Variants in SMU1 observed in about 807,000 individuals in gnomAD.
The protein encoded by SMU1 is WD40 repeat-containing protein SMU1.
Under a neutral mutation model 62.0 loss-of-function variants are expected in SMU1, and 2 were observed. That is an observed-to-expected ratio of 0.03 (90% CI 0.01 to 0.10). The LOEUF (loss-of-function observed/expected upper bound fraction) is 0.10, where lower values mean the gene tolerates loss of function less well. Ranked by LOEUF, SMU1 falls within the 10% of genes least tolerant of loss-of-function variation. The probability of loss-of-function intolerance (pLI) is 1.00; values close to 1 mark genes in which losing one functional copy is unlikely to be tolerated. For synonymous variants in SMU1, 188 were observed against 212.4 expected (o/e 0.89, Z 1.00); for missense variants, 227 against 622.1 (o/e 0.36, Z 6.76).
chr9:33,069,207 C>A (rs62542143), intron 3 of SMU1, among the ~76,000 whole-genome samples: 5,910 of 152,268 alleles, frequency 0.039, 184 homozygotes, highest in East Asian at 0.058. Context: ...AAAGGACACA[C>A]TGCTATTTTT....
intron 4 of SMU1, among the ~76,000 whole-genome samples, chr9:33,066,503 A>AC (rs1239705448): frequency 1.1e-3 from 78 of 73,638 alleles, no homozygotes; most frequent in African/African-American, 4.4e-3. Context: ...GTTCCATTTA[A>AC]TTAAAAAAAA....
chr9:33,056,764 A>G, intron 8 of SMU1, 73 bp downstream of exon 8: 1 of 1,493,354 alleles, frequency 6.7e-7, no homozygotes, highest in East Asian at 2.3e-5. Context: ...AAGCGTAAGG[A>G]ATCACTAGTA....
At chr9:33,065,153 G>A (rs935060686) in intron 4 of SMU1, among the ~76,000 whole-genome samples, 1 of 152,098 alleles carries the variant, frequency 6.6e-6, no homozygotes, top group African/African-American at 2.4e-5. Context: ...CTAGGTTAAG[G>A]TCCAGATTCA....
At chr9:33,076,216 G>C (rs1415731965) in intron 1 of SMU1, among the ~76,000 whole-genome samples, 1 of 152,208 alleles carries the variant, frequency 6.6e-6, no homozygotes, top group East Asian at 1.9e-4. Context: ...AAGCTGGACA[G>C]GGAGAGAAGC....
chr9:33,053,076 G>A, intron 10 of SMU1, 47 bp downstream of exon 10: 1 of 1,572,240 alleles, frequency 6.4e-7, no homozygotes, highest in African/African-American at 1.4e-5. Context: ...GTGCTGATTT[G>A]GGAATGGCCC....
rs1283655042 is a variant in SMU1, at chr9:33,045,977, G to T, written c.*1316C>A. Reference sequence around the variant, plus strand: ...GGGCACAAAAGGCCTGCAGAAATAAGAACTCACGTTCTTGAAAGTACTGCC... The same window carrying T: ...GGGCACAAAAGGCCTGCAGAAATAATAACTCACGTTCTTGAAAGTACTGCC... On this transcript the variant is annotated 3_prime_UTR_variant, in exon 12 of 12. Transcript: ENST00000397149. 6.6e-6 allele frequency: 1 copy of T among 152,202 alleles called. No homozygotes were observed. The highest frequency in any genetic ancestry group is 1.5e-5 in the Non-Finnish European group (1 of 68,038). The allele number at this position is 152,202 out of a possible 1,614,324, so 9.4% of individuals were successfully genotyped here.
At chr9:33,067,297 CAAAAAAAAAAAAAAA>C (rs58105257) in intron 4 of SMU1, among the ~76,000 whole-genome samples, 4 of 52,742 alleles carry the variant, frequency 7.6e-5, no homozygotes, top group African/African-American at 2.0e-4. Context: ...TGCTAATGAC[CAAAAAAAAAAAAAAA>C]AAAAAAAAAA....
chr9:33,053,066 G>T, intron 10 of SMU1, 57 bp downstream of exon 10: 1 of 1,533,562 alleles, frequency 6.5e-7, no homozygotes, highest in Non-Finnish European at 9.0e-7. Context: ...GGACCAGGAA[G>T]TGCTGATTTG....
Position 33,043,482 on chromosome 9 carries a change from G to T in SMU1, c.*3811C>A, listed in dbSNP as rs887142912. ...TCTGTAGGTCTGGGATAGGACCTTA[G>T]AATGTGTCTATCACGTGACACTTGT... On this transcript the variant is annotated 3_prime_UTR_variant, in exon 12 of 12. Transcript: ENST00000397149. 6.6e-6 allele frequency: 1 copy of T among 152,230 alleles called. No individual in the cohort carries two copies. The highest frequency in any genetic ancestry group is 2.4e-5 in the African/African-American group (1 of 41,452). The allele number at this position is 152,230 out of a possible 1,614,324, so 9.4% of individuals were successfully genotyped here. A position where few individuals can be genotyped will look rare whatever the true frequency, so the allele number is the denominator to read the frequency against.
chr9:33,072,690 G>A (rs976218198), intron 2 of SMU1, among the ~76,000 whole-genome samples: 6 of 151,818 alleles, frequency 4.0e-5, no homozygotes, highest in African/African-American at 1.2e-4. Context: ...TTAGCTGGGC[G>A]TGGTGATGCA....
At chr9:33,074,158 T>C (rs1047461296) in intron 1 of SMU1, among the ~76,000 whole-genome samples, 8 of 152,194 alleles carry the variant, frequency 5.3e-5, no homozygotes, top group African/African-American at 1.9e-4. Context: ...AGACTAGTTA[T>C]TTATACAAAA....
intron 4 of SMU1, among the ~76,000 whole-genome samples, chr9:33,065,493 C>A (rs185379075): frequency 5.1e-4 from 77 of 151,806 alleles, no homozygotes; most frequent in African/African-American, 1.8e-3. Context: ...GGGAGAACAG[C>A]AAGAAAAAAA....
At chr9:33,067,433 C>T (rs1352850324) in intron 4 of SMU1, among the ~76,000 whole-genome samples, 1 of 151,560 alleles carries the variant, frequency 6.6e-6, no homozygotes, top group Admixed American at 6.6e-5. Context: ...CACTGTAAGC[C>T]CTGAAGTACT....
chr9:33,073,171 C>T (rs914255340), intron 2 of SMU1, among the ~76,000 whole-genome samples: 17 of 152,004 alleles, frequency 1.1e-4, no homozygotes, highest in Non-Finnish European at 1.9e-4. Context: ...TCAAGGCTGG[C>T]GAACTGCTTG....
chr9:33,069,016 A>T (rs1488390757), intron 3 of SMU1, 82 bp from the exon 4 acceptor site: 2 of 1,477,790 alleles, frequency 1.4e-6, no homozygotes, highest in Non-Finnish European at 1.8e-6. Flanking sequence ...AACAAGCAGA[A>T]GCATACACAG....
chr9:33,052,018 A>C (rs1048999282), intron 10 of SMU1, among the ~76,000 whole-genome samples: 1 of 127,644 alleles, frequency 7.8e-6, no homozygotes, highest in African/African-American at 2.8e-5. Flanking sequence ...ACTCCATCTC[A>C]AAAAAAAAAA....
intron 8 of SMU1, 150 bp downstream of exon 8, chr9:33,056,687 G>T: frequency 1.2e-6 from 1 of 802,512 alleles, no homozygotes; most frequent in Non-Finnish European, 1.9e-6. Context: ...GTTGTACTTT[G>T]GGGACATAAG....
In SMU1 at chr9:33,045,918, A is replaced by G. The variant is rs540151734; in HGVS notation, c.*1375T>C. The G allele has an allele frequency of 6.6e-6, 1 of 152,346 alleles. No homozygotes were observed. The highest frequency in any genetic ancestry group is 1.9e-4 in the East Asian group (1 of 5,188). The allele number at this position is 152,346 out of a possible 1,614,324, so 9.4% of individuals were successfully genotyped here. A position where few individuals can be genotyped will look rare whatever the true frequency, so the allele number is the denominator to read the frequency against. On this transcript the variant is annotated 3_prime_UTR_variant, in exon 12 of 12. Coordinates refer to ENST00000397149, the MANE Select transcript of SMU1 (RefSeq NM_018225.3). ...ACTTTTTAAAAAAACCTTCCCCACTAGTTTGTACCTAATAAATGCTAACAT... is the reference window on the plus strand; with the variant it reads ...ACTTTTTAAAAAAACCTTCCCCACTGGTTTGTACCTAATAAATGCTAACAT...
At chr9:33,059,403 T>C (rs928130460) in intron 6 of SMU1, among the ~76,000 whole-genome samples, 13 of 151,824 alleles carry the variant, frequency 8.6e-5, no homozygotes, top group Admixed American at 2.6e-4. Flanking sequence ...TTTTGTTTTT[T>C]TGAACTTTGT....
Sources: allele counts gnomAD v4.1 joint callset (sites outside exome capture counted in the v4.1 genomes callset), GRCh38; gene constraint gnomAD v4.1.1; transcripts MANE v1.5; gene names NCBI Gene and HGNC (gene_info 2026-07-23, HGNC 2026-07-21).